The following TRIM29 variants were observed in gnomAD, a reference collection of about 807,000 sequenced individuals.
TRIM29 encodes tripartite motif-containing protein 29.
TRIM29 carries 52 observed loss-of-function variants against 57.3 expected under a neutral mutation model. The observed-to-expected ratio is 0.91, with a 90% CI of 0.73 to 1.14. TRIM29 has a LOEUF of 1.14. Among genes scored for constraint, TRIM29 ranks in the 50% most tolerant of loss-of-function variants. The probability of loss-of-function intolerance (pLI) is 0.00; values close to 1 mark genes in which losing one functional copy is unlikely to be tolerated. For synonymous variants in TRIM29, 319 were observed against 316.9 expected (o/e 1.01, Z -0.07); for missense variants, 753 against 774.6 (o/e 0.97, Z 0.33).
At chr11:120,129,706 C>T (rs890473499) in intron 1 of TRIM29, among the ~76,000 whole-genome samples, 2 of 152,142 alleles carry the variant, frequency 1.3e-5, no homozygotes, top group Non-Finnish European at 2.9e-5. Context: ...GAAGTGGATC[C>T]GATGGCAGAT....
chr11:120,134,420 G>C lies in TRIM29; in HGVS notation c.804+2808C>G, dbSNP rs778455417. 1.3e-3 allele frequency among the ~76,000 whole-genome samples: 191 copies of C among 152,210 alleles called. 5 individuals are homozygous for C. The highest frequency in any genetic ancestry group is 4.6e-4 in the Admixed American group (7 of 15,282). On this transcript the variant is annotated intron_variant, in intron 1 of 8. Transcript: ENST00000341846. ...AGCCACTTGCAAACAGCTATGCGTG[G>C]GCTGATGTTTGGGTCTGCAGGAGAT...
intron 5 of TRIM29, chr11:120,121,704 G>T: frequency 4.4e-6 from 1 of 226,774 alleles, no homozygotes. Context: ...TGGCATCATA[G>T]TGGGTGCTGC....
Position 120,115,344 on chromosome 11 carries a change from A to G in TRIM29, c.1698T>C (p.Thr566=), listed in dbSNP as rs774650379. 35 of 1,613,412 alleles carry G rather than the reference A, an allele frequency of 2.2e-5. No homozygotes were observed. The South Asian group carries it at 3.7e-4, about 17-fold the overall frequency. ...CCGGCAGCACTTCCCTTACCAGCATAGTCTGCTTGCCAGATTTCCAAGTCT... is the reference window on the plus strand; with the variant it reads ...CCGGCAGCACTTCCCTTACCAGCATGGTCTGCTTGCCAGATTTCCAAGTCT... ...QPQTWKSGKQ[T]MLSHYRPFYV... is the part of the protein sequence containing the mutation. Residue 566 remains threonine, a synonymous_variant, in exon 8 of 9, where the codon ACT becomes ACC. Coordinates refer to ENST00000341846, the MANE Select transcript of TRIM29 (RefSeq NM_012101.4).
chr11:120,115,275 G>C, intron 8 of TRIM29, 63 bp downstream of exon 8: 1 of 1,536,922 alleles, frequency 6.5e-7, no homozygotes. Context: ...TGCCTCCAGG[G>C]AGCCCCCTTC....
At position 120,138,005 on chromosome 11, in the gene TRIM29, G is replaced by C. The variant is rs1324871840; in HGVS notation, c.27C>G (p.Ser9Arg). Residue 9 changes from serine (S) to arginine (R), a missense_variant, in exon 1 of 9, where the codon AGC (serine) becomes AGG (arginine). Ser to Arg is a moderately radical substitution (Grantham distance 110). Coordinates refer to ENST00000341846, the MANE Select transcript of TRIM29 (RefSeq NM_012101.4). The stretch of plus-strand genomic sequence containing the variant: ...CCCTGGCTTCTGGGCTCGACCCGTT[G>C]CTCCTGGAGGCATCTGCAGCTTCCA... MEAADASRSNGSSPEARDA... is the reference protein window; with the variant it reads MEAADASRRNGSSPEARDA... 6.2e-7 allele frequency: 1 copy of C among 1,600,332 alleles called. No individual in the cohort carries two copies. The highest frequency in any genetic ancestry group is 8.5e-7 in the Non-Finnish European group (1 of 1,178,888).
chr11:120,118,134 A>T, intron 7 of TRIM29, 89 bp downstream of exon 7: 1 of 1,181,048 alleles, frequency 8.5e-7, no homozygotes, highest in Non-Finnish European at 1.2e-6. Flanking sequence ...TGAGGGAGGA[A>T]CTAGCAGCTC....
Position 120,118,309 on chromosome 11 carries a change from G to T in TRIM29, c.1541C>A (p.Ser514Tyr). 6.2e-7 allele frequency: 1 copy of T among 1,613,174 alleles called. No individual in the cohort carries two copies. The highest frequency in any genetic ancestry group is 8.5e-7 in the Non-Finnish European group (1 of 1,179,536). The stretch of plus-strand genomic sequence containing the variant: ...GCTGGAGGAGTACTCCCAGACCCGG[G>T]AGGTGTAGTTACCTGGCAGGACAAA... ...NLYGTKGNYT[S>Y]RVWEYSSSIQ... Residue 514 changes from serine to tyrosine, a missense_variant, in exon 7 of 9, where the codon TCC (serine) becomes TAC (tyrosine). Physicochemically the swap from Ser to Tyr is moderately radical, Grantham distance 144 (BLOSUM62 -2). Coordinates refer to ENST00000341846, the MANE Select transcript of TRIM29 (RefSeq NM_012101.4).
At chr11:120,129,372 G>C (rs1863671867) in intron 1 of TRIM29, among the ~76,000 whole-genome samples, 1 of 152,112 alleles carries the variant, frequency 6.6e-6, no homozygotes, top group Non-Finnish European at 1.5e-5. Context: ...TGTCCTGTAG[G>C]ACACTCAAAG....
chr11:120,115,403 G>C lies in TRIM29; in HGVS notation c.1639C>G (p.Leu547Val), dbSNP rs1484330479. 6.2e-7 allele frequency: 1 copy of C among 1,613,774 alleles called. No individual in the cohort carries two copies. Among genetic ancestry groups the C allele is most frequent in the Non-Finnish European group, 8.5e-7 (1 of 1,179,898 alleles). Residue 547 changes from leucine (L) to valine (V), a missense_variant, in exon 8 of 9, where the codon CTC becomes GTC. Coordinates refer to ENST00000341846, the MANE Select transcript of TRIM29 (RefSeq NM_012101.4). ...GCCTTGGGGCTTTGGCTCCGCATGA[G>C]GGAGGGATAGCCTGGGAAGACAAGA... ...SSFSLKGYPS[L>V]MRSQSPKAQP...
chr11:120,123,374 T>C (rs572243910), intron 4 of TRIM29: 3 of 528,938 alleles, frequency 5.7e-6, no homozygotes, highest in South Asian at 4.6e-5. Context: ...ATTTGATCCA[T>C]ACATCAATTG....
At chr11:120,119,055 G>A (rs117428047) in intron 6 of TRIM29, among the ~76,000 whole-genome samples, 2,258 of 152,250 alleles carry the variant, frequency 0.015, 102 homozygotes, top group East Asian at 0.15. Flanking sequence ...ATGAACCAAC[G>A]AACGAATGAA....
At chr11:120,123,442 G>C (rs1863511286) in intron 4 of TRIM29, 1 of 462,970 alleles carries the variant, frequency 2.2e-6, no homozygotes, top group Admixed American at 2.3e-5. Context: ...AAGAGAAGCA[G>C]CTTGCCCAAT....
At chr11:120,115,511 C>T (rs1460234475) in intron 7 of TRIM29, 97 bp from the exon 8 acceptor site, 5 of 1,044,964 alleles carry the variant, frequency 4.8e-6, no homozygotes, top group Non-Finnish European at 7.1e-6. Context: ...AAGTGACCAC[C>T]AAGCATCATC....
intron 8 of TRIM29, among the ~76,000 whole-genome samples, chr11:120,112,901 C>T (rs1256463158): frequency 6.6e-6 from 1 of 152,184 alleles, no homozygotes; most frequent in East Asian, 1.9e-4. Flanking sequence ...AAATAGATTA[C>T]TATTATCATA....
chr11:120,114,476 C>T (rs1863216999), intron 8 of TRIM29, among the ~76,000 whole-genome samples: 1 of 152,190 alleles, frequency 6.6e-6, no homozygotes, highest in South Asian at 2.1e-4. Context: ...CCTCCAATTG[C>T]AAGGACAGCA....
intron 1 of TRIM29, among the ~76,000 whole-genome samples, chr11:120,133,321 C>T (rs1779769890): frequency 6.6e-6 from 1 of 152,196 alleles, no homozygotes; most frequent in African/African-American, 2.4e-5. Flanking sequence ...CCAGCTCTGC[C>T]ACTCTTGAGT....
chr11:120,117,042 G>C, intron 7 of TRIM29: 1 of 446,124 alleles, frequency 2.2e-6, no homozygotes, highest in Non-Finnish European at 4.5e-6. Context: ...GAACTGATAA[G>C]GGGTTTTCCC....
intron 4 of TRIM29, chr11:120,123,382 T>C (rs1863509977): frequency 1.9e-6 from 1 of 515,012 alleles, no homozygotes; most frequent in African/African-American, 1.9e-5. Context: ...CATACATCAA[T>C]TGTGGTTGTA....
At chr11:120,120,808 A>T (rs1172796814) in intron 5 of TRIM29, 143 bp from the exon 6 acceptor site, 3 of 728,884 alleles carry the variant, frequency 4.1e-6, no homozygotes, top group Admixed American at 4.0e-5. Context: ...TAAGTCAATC[A>T]ACTAATTTAT....
Sources: allele counts gnomAD v4.1 joint callset (sites outside exome capture counted in the v4.1 genomes callset), GRCh38; gene constraint gnomAD v4.1.1; transcripts MANE v1.5; gene names NCBI Gene and HGNC (gene_info 2026-07-23, HGNC 2026-07-21).